RANBP3: variants seen among roughly 807,000 people sequenced by gnomAD.
RANBP3 encodes the protein RAN binding protein 3, also known as ran-binding protein 3.
RANBP3 carries 14 observed loss-of-function variants against 77.3 expected under a neutral mutation model. The ratio of observed to expected loss-of-function variants is 0.18; its 90% CI spans 0.12 to 0.28. RANBP3 has a LOEUF of 0.28. RANBP3 is among the 10% of genes least tolerant of loss of function. RANBP3 has a pLI of 1.00. For missense variants in RANBP3, 586 were observed against 752.3 expected (o/e 0.78, Z 2.59); for synonymous variants, 315 against 312.4 (o/e 1.01, Z -0.09).
Position 5,921,171 on chromosome 19 carries a change from C to G in RANBP3, c.1330+30G>C. 6.3e-7 allele frequency: 1 copy of G among 1,597,804 alleles called. No individual in the cohort carries two copies. The highest frequency in any genetic ancestry group is 8.5e-7 in the Non-Finnish European group (1 of 1,173,404). On this transcript the variant is annotated intron_variant, in intron 14 of 16. Coordinates refer to ENST00000340578, the MANE Select transcript of RANBP3 (RefSeq NM_007322.3). This position sits in a 1 kb window ranked among gnomAD's most constrained non-coding sequence, Gnocchi z 5.3. ...GTCCCCAGCCCTCCCCATGGGGACC[C>G]GGCCACAGCCCCCGCCGTCGGCAGC... is the stretch of plus-strand genomic sequence containing the variant.
chr19:5,965,993 G>C (rs2058463605), intron 1 of RANBP3: 1 of 152,224 alleles, frequency 6.6e-6, no homozygotes, highest in African/African-American at 2.4e-5. Context: ...CTTCGGGCCA[G>C]GTGGGCCGAC....
intron 1 of RANBP3, among the ~76,000 whole-genome samples, chr19:5,971,425 A>G (rs2058528970): frequency 6.6e-6 from 1 of 152,054 alleles, no homozygotes; most frequent in Non-Finnish European, 1.5e-5. Context: ...CAGCCTCCCA[A>G]GTAGCTGGGA....
rs769227444 is a variant in RANBP3, at chr19:5,951,549, C to G, written c.126G>C (p.Arg42=). The G allele has an allele frequency of 2.5e-6, 4 of 1,613,162 alleles. No homozygotes were observed. Among genetic ancestry groups the G allele is most frequent in the South Asian group, 1.1e-5 (1 of 90,936 alleles). Reference sequence around the variant, plus strand: ...CATGGTGGGGGGCCTCAGCCTCCCCCCGAGGCTCCTCTCCCGAATCCGACA... The same window carrying G: ...CATGGTGGGGGGCCTCAGCCTCCCCGCGAGGCTCCTCTCCCGAATCCGACA... ...KNLSDSGEEP[R]GEAEAPHHGT... The change falls in exon 3 of 17, where the codon CGG becomes CGC. Residue 42 remains arginine, a synonymous_variant. Transcript: ENST00000340578.
Position 5,917,519 on chromosome 19 carries a change from G to T in RANBP3, c.*91C>A. ...AGTGGGGTGTGTGGTTCCCGGCCCC[G>T]CACCTGGACGCTGCCGGTGGGGTGG... is the stretch of plus-strand genomic sequence containing the variant. On this transcript the variant is annotated 3_prime_UTR_variant, in exon 17 of 17. Coordinates refer to ENST00000340578, the MANE Select transcript of RANBP3 (RefSeq NM_007322.3). 1 of 1,412,112 alleles carries T rather than the reference G, an allele frequency of 7.1e-7. No homozygotes were observed. The highest frequency in any genetic ancestry group is 9.5e-7 in the Non-Finnish European group (1 of 1,057,850). The allele number at this position is 1,412,112 out of a possible 1,614,324, so 87.5% of individuals were successfully genotyped here. A position where few individuals can be genotyped will look rare whatever the true frequency, so the allele number is the denominator to read the frequency against.
At chr19:5,931,156 A>G (rs979022769) in intron 8 of RANBP3, among the ~76,000 whole-genome samples, 2 of 152,224 alleles carry the variant, frequency 1.3e-5, no homozygotes, top group African/African-American at 2.4e-5. Flanking sequence ...TCCTTCCGGC[A>G]GAGCTTGCTT....
chr19:5,938,268 A>T (rs889834621), intron 5 of RANBP3, among the ~76,000 whole-genome samples: 7 of 152,186 alleles, frequency 4.6e-5, no homozygotes, highest in African/African-American at 1.7e-4. Flanking sequence ...TCGCTTGTTA[A>T]ATCTTTTATG....
chr19:5,918,864 C>A (rs1007663042), intron 14 of RANBP3, among the ~76,000 whole-genome samples: 5 of 152,202 alleles, frequency 3.3e-5, no homozygotes, highest in Non-Finnish European at 7.3e-5. Flanking sequence ...CTGAAGGCCA[C>A]AACTGCAGGT....
In RANBP3 at chr19:5,954,752, T is replaced by C. The variant is rs999357832; in HGVS notation, c.79-3156A>G. Among the ~76,000 whole-genome samples, 5 of 152,134 alleles carry C rather than the reference T, an allele frequency of 3.3e-5. No individual in the cohort carries two copies. The East Asian group carries it at 9.6e-4, about 29-fold the overall frequency. On this transcript the variant is annotated intron_variant, in intron 2 of 16. Coordinates refer to ENST00000340578, the MANE Select transcript of RANBP3 (RefSeq NM_007322.3). ...GCCTCCGCAAGAGAGAATGAAACCA[T>C]AAAGGCTCTCAAACCCTCACTTCTG...
intron 1 of RANBP3, 61 bp downstream of exon 1, chr19:5,978,000 C>T: frequency 6.2e-7 from 1 of 1,602,202 alleles, no homozygotes; most frequent in South Asian, 1.1e-5. Flanking sequence ...GCTTGTGGCC[C>T]CTAGTCCTCC....
chr19:5,945,407 G>C (rs1055533591), intron 3 of RANBP3, among the ~76,000 whole-genome samples: 3 of 152,172 alleles, frequency 2.0e-5, no homozygotes, highest in African/African-American at 7.2e-5. Flanking sequence ...CTTGTGGTTG[G>C]AGCACATACT....
rs957840763 is a variant in RANBP3 at position 5,917,867 on chromosome 19, C to T, written c.1587G>A (p.Gly529=). 9 of 1,612,826 alleles carry T rather than the reference C, an allele frequency of 5.6e-6. No homozygotes were observed. The highest frequency in any genetic ancestry group is 7.6e-6 in the Non-Finnish European group (9 of 1,179,920). ...CGTCCTCCTCGTTGGATGGGGCTGC[C>T]CCAGGCTCAGGCGCGGGCATCTTGG... ...QEAKMPAPEP[G]AAPSNEEDDS... The change falls in exon 16 of 17, where the codon GGG becomes GGA. Residue 529 remains glycine, a synonymous_variant. Coordinates refer to ENST00000340578, the MANE Select transcript of RANBP3 (RefSeq NM_007322.3).
chr19:5,955,842 C>T (rs181608709), intron 2 of RANBP3, among the ~76,000 whole-genome samples: 59 of 152,298 alleles, frequency 3.9e-4, no homozygotes, highest in Non-Finnish European at 6.5e-4. Context: ...TGGCTCATGC[C>T]CACAATCCCA....
chr19:5,976,749 T>C (rs35549731), intron 1 of RANBP3, among the ~76,000 whole-genome samples: 5,080 of 152,032 alleles, frequency 0.033, 150 homozygotes, highest in Non-Finnish European at 0.05. Flanking sequence ...TCCCAAAAAA[T>C]AAAATAGAAT....
intron 5 of RANBP3, among the ~76,000 whole-genome samples, chr19:5,939,609 G>A (rs1228303734): frequency 6.6e-6 from 1 of 152,196 alleles, no homozygotes; most frequent in Admixed American, 6.5e-5. Context: ...GCAGGCGGGG[G>A]AGGGAACAAG....
chr19:5,918,386 A>AGGGGGGGGGGGGGGG, intron 15 of RANBP3, 110 bp downstream of exon 15: 1 of 617,696 alleles, frequency 1.6e-6, no homozygotes, highest in Non-Finnish European at 2.5e-6. Context: ...GAAGCAACTG[A>AGGGGGGGGGGGGGGG]AGCCCCTCCC....
chr19:5,953,749 G>A (rs1028462783), intron 2 of RANBP3, among the ~76,000 whole-genome samples: 4 of 152,214 alleles, frequency 2.6e-5, no homozygotes, highest in Non-Finnish European at 4.4e-5. Context: ...CGGAAACAAT[G>A]GTGCATGTAA....
chr19:5,944,008 A>G (rs1188850482), intron 3 of RANBP3, among the ~76,000 whole-genome samples: 1 of 152,180 alleles, frequency 6.6e-6, no homozygotes, highest in African/African-American at 2.4e-5. Flanking sequence ...GCCATTTTCT[A>G]CGGGTGAAAC....
At chr19:5,926,939 C>T (rs1169535528) in intron 9 of RANBP3, among the ~76,000 whole-genome samples, 1 of 152,120 alleles carries the variant, frequency 6.6e-6, no homozygotes, top group Admixed American at 6.5e-5. Context: ...TATTTCAGGG[C>T]CCTCCCCGTC....
Position 5,942,890 on chromosome 19 carries a change from G to T in RANBP3, c.283-1055C>A, listed in dbSNP as rs184805352. On this transcript the variant is annotated intron_variant, in intron 3 of 16. Coordinates refer to ENST00000340578, the MANE Select transcript of RANBP3 (RefSeq NM_007322.3). Reference sequence around the variant, plus strand: ...CAACCACATAAAAATCAGCTGGGCAGGGGGGTGAATGCCTGTAGCCCCAGC... The same window carrying T: ...CAACCACATAAAAATCAGCTGGGCATGGGGGTGAATGCCTGTAGCCCCAGC... 1.4e-4 allele frequency among the ~76,000 whole-genome samples: 22 copies of T among 152,062 alleles called. No individual in the cohort carries two copies. In the East Asian group the frequency reaches 4.3e-3, roughly 30 times the overall value.
Sources: allele counts gnomAD v4.1 joint callset (sites outside exome capture counted in the v4.1 genomes callset), GRCh38; gene constraint gnomAD v4.1.1; non-coding constraint Gnocchi (gnomAD v3.1); transcripts MANE v1.5; gene names NCBI Gene and HGNC (gene_info 2026-07-23, HGNC 2026-07-21).